Variants in PIKFYVE observed in about 807,000 individuals in gnomAD.
The protein encoded by PIKFYVE is phosphoinositide kinase, FYVE-type zinc finger containing, also known as 1-phosphatidylinositol 3-phosphate 5-kinase.
PIKFYVE carries 122 observed loss-of-function variants against 257.9 expected under a neutral mutation model. The observed-to-expected ratio is 0.47, with a 90% CI of 0.41 to 0.55. The LOEUF (loss-of-function observed/expected upper bound fraction) is 0.55. PIKFYVE is among the 20% of genes least tolerant of loss of function. The probability of loss-of-function intolerance (pLI) is 0.00; values close to 1 mark genes in which losing one functional copy is unlikely to be tolerated. For synonymous variants in PIKFYVE, 892 were observed against 868.9 expected (o/e 1.03, Z -0.47); for missense variants, 2,160 against 2,536.6 (o/e 0.85, Z 3.19).
At chr2:208,279,632 C>G (rs1690550134) in intron 5 of PIKFYVE, among the ~76,000 whole-genome samples, 1 of 152,164 alleles carries the variant, frequency 6.6e-6, no homozygotes, top group Non-Finnish European at 1.5e-5. Flanking sequence ...GCCAGCTATT[C>G]CAGTGCCATT....
At chr2:208,276,602 A>G in intron 3 of PIKFYVE, 110 bp from the exon 4 acceptor site, 1 of 818,788 alleles carries the variant, frequency 1.2e-6, no homozygotes. Flanking sequence ...CGGGTGGGAG[A>G]ACATAATTAT....
chr2:208,344,237 G>A (rs966446649), intron 32 of PIKFYVE, among the ~76,000 whole-genome samples: 1 of 152,044 alleles, frequency 6.6e-6, no homozygotes, highest in African/African-American at 2.4e-5. Flanking sequence ...GTTAGATGGT[G>A]GTTCCAGGGA....
chr2:208,273,548 A>C (rs1689703546), intron 2 of PIKFYVE, 36 bp from the exon 3 acceptor site: 1 of 1,613,348 alleles, frequency 6.2e-7, no homozygotes. Flanking sequence ...CTGAACTCTC[A>C]GTCTTTAAAT....
chr2:208,303,292 C>CAT (rs537734809), intron 10 of PIKFYVE, among the ~76,000 whole-genome samples: 177 of 150,620 alleles, frequency 1.2e-3, no homozygotes, highest in African/African-American at 4.2e-3. Context: ...CAGGCACACA[C>CAT]ACACACACAT....
chr2:208,271,973 A>C (rs952314662), intron 2 of PIKFYVE, among the ~76,000 whole-genome samples: 2 of 152,220 alleles, frequency 1.3e-5, no homozygotes, highest in Non-Finnish European at 2.9e-5. Context: ...GATGCCTCAC[A>C]CCTGTAATCC....
At chr2:208,281,359 G>A (rs1353855574) in intron 5 of PIKFYVE, among the ~76,000 whole-genome samples, 2 of 152,138 alleles carry the variant, frequency 1.3e-5, no homozygotes, top group Non-Finnish European at 2.9e-5. Flanking sequence ...TCTGCTTAGT[G>A]GGCCCATGTC....
At chr2:208,316,532 G>T (rs1389710922) in intron 15 of PIKFYVE, among the ~76,000 whole-genome samples, 1 of 151,968 alleles carries the variant, frequency 6.6e-6, no homozygotes, top group African/African-American at 2.4e-5. Context: ...ATCCTCTCCA[G>T]CACCTGTTGT....
chr2:208,300,846 CT>C, intron 8 of PIKFYVE, 90 bp from the exon 9 acceptor site: 1 of 1,533,536 alleles, frequency 6.5e-7, no homozygotes, highest in South Asian at 1.1e-5. Context: ...GTTAGGTTTC[CT>C]TTTATGAGTC....
chr2:208,339,521 GC>G lies in PIKFYVE; in HGVS notation c.4781del (p.Pro1594LeufsTer3). The G allele has an allele frequency of 6.2e-7, 1 of 1,614,044 alleles. No individual in the cohort carries two copies. The highest frequency in any genetic ancestry group is 8.5e-7 in the Non-Finnish European group (1 of 1,179,992). ...EVMSEQSVGG[P>X]PELDTASSSE... ...TCATGTCTGAACAGTCAGTGGGAGGGCCCCCTGAGCTAGATACAGCCAGCAG... is the reference window on the plus strand; with the variant it reads ...TCATGTCTGAACAGTCAGTGGGAGGGCCCCTGAGCTAGATACAGCCAGCAG... On this transcript the variant is annotated frameshift_variant, in exon 30 of 42. Transcript: ENST00000264380. LOFTEE classifies it high-confidence loss of function.
chr2:208,272,261 A>C (rs1689530450), intron 2 of PIKFYVE, among the ~76,000 whole-genome samples: 1 of 151,974 alleles, frequency 6.6e-6, no homozygotes, highest in Non-Finnish European at 1.5e-5. Context: ...ATAAAAAACT[A>C]AATGTTAAAA....
rs1281223755 is a variant in PIKFYVE, at chr2:208,335,884, A to G, written c.4348A>G (p.Ile1450Val). 6.2e-7 allele frequency: 1 copy of G among 1,609,846 alleles called. No individual in the cohort carries two copies. The highest frequency in any genetic ancestry group is 1.1e-5 in the South Asian group (1 of 90,686). ...SKTREEKMED[I>V]FAQKEMEEGE... ...AACAAGAGAGGAAAAAATGGAAGAT[A>G]TTTTTGCACAGAAAGAGGTAATTTA... Residue 1450 changes from isoleucine (I) to valine (V), a missense_variant, in exon 26 of 42, where the codon ATT becomes GTT. By Grantham distance (29) the Ile-to-Val change is conservative (BLOSUM62 3). This residue lies in a region of PIKFYVE where 699 missense variants were observed against 855.8 expected (regional missense o/e 0.82). Transcript: ENST00000264380.
rs571839069 is a variant in PIKFYVE, at chr2:208,311,450, G to T, written c.1637-786G>T. On this transcript the variant is annotated intron_variant, in intron 12 of 41. Transcript: ENST00000264380. ...TATAAATGTACTTGGAGAAAATTTTGTGGAGATCCTTTACCGTAAAGGAGT... is the reference window on the plus strand; with the variant it reads ...TATAAATGTACTTGGAGAAAATTTTTTGGAGATCCTTTACCGTAAAGGAGT... Among the ~76,000 whole-genome samples, 12 of 152,166 alleles carry T rather than the reference G, an allele frequency of 7.9e-5. No individual in the cohort carries two copies. The South Asian group carries it at 1.5e-3, about 18-fold the overall frequency.
At chr2:208,276,897 A>G (rs1690180915) in intron 4 of PIKFYVE, 67 bp downstream of exon 4, 4 of 1,325,340 alleles carry the variant, frequency 3.0e-6, no homozygotes, top group Non-Finnish European at 4.3e-6. Flanking sequence ...TACCTAATGA[A>G]AATGGCTTAA....
At chr2:208,288,849 C>T in intron 7 of PIKFYVE, 31 bp downstream of exon 7, 2 of 1,610,416 alleles carry the variant, frequency 1.2e-6, no homozygotes, top group African/African-American at 1.3e-5. Flanking sequence ...ACTGTGCTCT[C>T]TGATGTTTAT....
chr2:208,284,945 C>T (rs1416797477), intron 5 of PIKFYVE, among the ~76,000 whole-genome samples: 1 of 152,024 alleles, frequency 6.6e-6, no homozygotes, highest in South Asian at 2.1e-4. Flanking sequence ...GCCTTGGCCC[C>T]CCAAAGTGCT....
Position 208,285,843 on chromosome 2 carries a change from C to T in PIKFYVE, c.731C>T (p.Ser244Phe). Reference protein sequence around the residue: ...NALSDSACSVSVLDPSEPRTP... With the variant: ...NALSDSACSVFVLDPSEPRTP... ...CTTTCAGATTCTGCTTGCTCTGTGTCTGTGCTTGATCCAAGTGAACCCCGA... is the reference window on the plus strand; with the variant it reads ...CTTTCAGATTCTGCTTGCTCTGTGTTTGTGCTTGATCCAAGTGAACCCCGA... Residue 244 changes from serine (S) to phenylalanine (F), a missense_variant, in exon 6 of 42, where the codon TCT becomes TTT. By Grantham distance (155) the Ser-to-Phe change is radical. Coordinates refer to ENST00000264380, the MANE Select transcript of PIKFYVE (RefSeq NM_015040.4). 1.2e-6 allele frequency: 2 copies of T among 1,614,042 alleles called. No individual in the cohort carries two copies. The highest frequency in any genetic ancestry group is 1.7e-6 in the Non-Finnish European group (2 of 1,179,988).
intron 7 of PIKFYVE, among the ~76,000 whole-genome samples, chr2:208,294,093 A>C (rs1290321917): frequency 5.9e-5 from 9 of 151,680 alleles, no homozygotes; most frequent in Admixed American, 5.9e-4. Flanking sequence ...CATTTCTTGG[A>C]TATTGTTTGT....
chr2:208,314,139 A>G (rs1162462259), intron 13 of PIKFYVE, among the ~76,000 whole-genome samples, 155 bp from the exon 14 acceptor site: 1 of 152,156 alleles, frequency 6.6e-6, no homozygotes, highest in Non-Finnish European at 1.5e-5. Flanking sequence ...CATTTTATTT[A>G]TATGTTTATT....
chr2:208,303,218 C>T (rs1387461943), intron 10 of PIKFYVE, among the ~76,000 whole-genome samples: 1 of 151,710 alleles, frequency 6.6e-6, no homozygotes, highest in Non-Finnish European at 1.5e-5. Context: ...TAATTTGATA[C>T]AATATATAGG....
Sources: allele counts gnomAD v4.1 joint callset (sites outside exome capture counted in the v4.1 genomes callset), GRCh38; gene constraint gnomAD v4.1.1; regional missense constraint gnomAD v4.1.1; transcripts MANE v1.5; gene names NCBI Gene and HGNC (gene_info 2026-07-23, HGNC 2026-07-21).